Variants in SLC12A3 observed in about 807,000 individuals in gnomAD.
SLC12A3 encodes solute carrier family 12 member 3.
A neutral mutation model predicts 121.0 loss-of-function variants in SLC12A3; 104 were observed. That is an observed-to-expected ratio of 0.86 (90% CI 0.73 to 1.01). The LOEUF (loss-of-function observed/expected upper bound fraction) is 1.01. Ranked by LOEUF, SLC12A3 falls within the 50% of genes least tolerant of loss-of-function variation. The pLI, the probability that SLC12A3 is intolerant of heterozygous loss-of-function variation, is 0.00. For synonymous variants in SLC12A3, 536 were observed against 533.4 expected (o/e 1.00, Z -0.07); for missense variants, 1,328 against 1,356.3 (o/e 0.98, Z 0.33).
intron 1 of SLC12A3, 124 bp downstream of exon 1, chr16:56,865,641 G>T: frequency 1.9e-6 from 2 of 1,060,300 alleles, no homozygotes; most frequent in Non-Finnish European, 2.8e-6. Flanking sequence ...TTCTTCCTGG[G>T]TTGAGAGGCC....
intron 25 of SLC12A3, among the ~76,000 whole-genome samples, chr16:56,905,785 A>G (rs2055600765): frequency 6.6e-6 from 1 of 152,154 alleles, no homozygotes; most frequent in South Asian, 2.1e-4. Flanking sequence ...GGTGGAAAGG[A>G]GGAGGGGGTA....
At position 56,910,389 on chromosome 16, in the gene SLC12A3, G is replaced by A. The variant is rs139908654; in HGVS notation, c.2925-2875G>A. On this transcript the variant is annotated intron_variant, in intron 25 of 25. Transcript: ENST00000563236. ...CTTACTCTGTCACCCAGGCTAGAGA[G>A]CAGTAGTGAGATCTCAGCTCACTGC... 6.1e-3 allele frequency among the ~76,000 whole-genome samples: 927 copies of A among 152,248 alleles called. 6 individuals are homozygous for A. Among genetic ancestry groups the A allele is most frequent in the African/African-American group, 0.021 (861 of 41,522 alleles).
rs1414704302 is a variant in SLC12A3 at position 56,904,427 on chromosome 16, G to T, written c.2889G>T (p.Val963=). 6.2e-7 allele frequency: 1 copy of T among 1,614,074 alleles called. No homozygotes were observed. Among genetic ancestry groups the T allele is most frequent in the Non-Finnish European group, 8.5e-7 (1 of 1,179,912 alleles). The stretch of plus-strand genomic sequence containing the variant: ...GGCAGGTGAGGCTGAATGAGATTGT[G>T]CTGGATTACTCCCGAGACGCTGCTC... ...SLRQVRLNEI[V]LDYSRDAALI... is the part of the protein sequence containing the mutation. Residue 963 remains valine (V), a synonymous_variant, in exon 25 of 26, where the codon GTG becomes GTT. Transcript: ENST00000563236.
chr16:56,902,631 CT>C, intron 24 of SLC12A3, 123 bp downstream of exon 24: 1 of 1,202,858 alleles, frequency 8.3e-7, no homozygotes, highest in South Asian at 1.3e-5. Context: ...ACTCCGGCCC[CT>C]GAGGTATCCT....
At chr16:56,913,198 T>C (rs1361305923) in intron 25 of SLC12A3, 66 bp from the exon 26 acceptor site, 7 of 1,608,862 alleles carry the variant, frequency 4.4e-6, no homozygotes, top group African/African-American at 1.3e-5. Flanking sequence ...GAAAACAAAC[T>C]GGGAGCTGGG....
At chr16:56,878,966 C>T in intron 9 of SLC12A3, 107 bp from the exon 10 acceptor site, 1 of 1,315,502 alleles carries the variant, frequency 7.6e-7, no homozygotes, top group Non-Finnish European at 1.1e-6. Flanking sequence ...AATGAAGGGA[C>T]AGCTGCCCAT....
intron 8 of SLC12A3, among the ~76,000 whole-genome samples, chr16:56,876,629 C>T (rs1288406225): frequency 3.9e-5 from 6 of 152,226 alleles, no homozygotes; most frequent in African/African-American, 1.4e-4. Flanking sequence ...GACTCCAGCT[C>T]TACACCTCTG....
chr16:56,901,348 T>TC (rs1339710552), intron 23 of SLC12A3, among the ~76,000 whole-genome samples: 4 of 49,192 alleles, frequency 8.1e-5, no homozygotes, highest in East Asian at 8.9e-4. Flanking sequence ...TCTCTCTCTC[T>TC]TTTTTTTTTT....
Position 56,867,049 on chromosome 16 carries a change from T to G in SLC12A3, c.283-21T>G, listed in dbSNP as rs765802757. 4.3e-6 allele frequency: 7 copies of G among 1,609,594 alleles called. No individual in the cohort carries two copies. In the East Asian group the frequency reaches 1.6e-4, roughly 36 times the overall value. On this transcript the variant is annotated intron_variant, in intron 1 of 25. Coordinates refer to ENST00000563236, the MANE Select transcript of SLC12A3 (RefSeq NM_001126108.2). ...TCCCTAGCACCCCTACCTGCCTGAC[T>G]TGTGGTCTCTGGGCTGCCAGCAGGA...
intron 3 of SLC12A3, among the ~76,000 whole-genome samples, chr16:56,869,438 C>T (rs531917396): frequency 6.6e-6 from 1 of 152,296 alleles, no homozygotes; most frequent in Non-Finnish European, 1.5e-5. Context: ...AGCGATTCTC[C>T]TGCCTCAGCC....
chr16:56,903,297 T>C (rs1367987118), intron 24 of SLC12A3, among the ~76,000 whole-genome samples: 2 of 152,156 alleles, frequency 1.3e-5, no homozygotes. Context: ...AGAAAGGGTG[T>C]GTGCCTGTAG....
chr16:56,889,351 A>G (rs1422079613), intron 18 of SLC12A3, among the ~76,000 whole-genome samples: 1 of 152,230 alleles, frequency 6.6e-6, no homozygotes, highest in Non-Finnish European at 1.5e-5. Flanking sequence ...TGATCTAAGG[A>G]GCCCAGGGAG....
Position 56,884,094 on chromosome 16 carries a change from T to C in SLC12A3, c.1715T>C (p.Phe572Ser). The change falls in exon 14 of 26, where the codon TTT becomes TCT. Residue 572 changes from phenylalanine to serine, a missense_variant. Coordinates refer to ENST00000563236, the MANE Select transcript of SLC12A3 (RefSeq NM_001126108.2). ...FQYYNKWAAL[F>S]GAIISVVIMF... Reference sequence around the variant, plus strand: ...TACTACAACAAGTGGGCGGCGCTGTTTGGGGCTATCATCTCCGTGGTCATC... The same window carrying C: ...TACTACAACAAGTGGGCGGCGCTGTCTGGGGCTATCATCTCCGTGGTCATC... The C allele has an allele frequency of 6.2e-7, 1 of 1,614,210 alleles. No individual in the cohort carries two copies. Among genetic ancestry groups the C allele is most frequent in the Non-Finnish European group, 8.5e-7 (1 of 1,180,020 alleles).
At chr16:56,889,020 C>T (rs1305102050) in intron 18 of SLC12A3, among the ~76,000 whole-genome samples, 3 of 152,056 alleles carry the variant, frequency 2.0e-5, no homozygotes, top group African/African-American at 7.2e-5. Flanking sequence ...GACGGAACTC[C>T]CTGGGGACTT....
chr16:56,873,308 C>T (rs575528436), intron 8 of SLC12A3, among the ~76,000 whole-genome samples: 15 of 152,058 alleles, frequency 9.9e-5, no homozygotes, highest in African/African-American at 3.6e-4. Flanking sequence ...CTGTGCTGCG[C>T]TCTCTACCTG....
chr16:56,894,297 G>T (rs182541208), intron 21 of SLC12A3, among the ~76,000 whole-genome samples: 3 of 152,222 alleles, frequency 2.0e-5, no homozygotes, highest in Admixed American at 2.0e-4. Context: ...GAGCCATGGC[G>T]CCCGGCCGCC....
At chr16:56,892,029 A>C (rs2144741388) in intron 19 of SLC12A3, 54 bp from the exon 20 acceptor site, 1 of 1,368,202 alleles carries the variant, frequency 7.3e-7, no homozygotes, top group Non-Finnish European at 1.0e-6. Flanking sequence ...GGAGGAACCC[A>C]CGGTGCCCTC....
At chr16:56,908,832 G>T (rs191778520) in intron 25 of SLC12A3, among the ~76,000 whole-genome samples, 11 of 152,368 alleles carry the variant, frequency 7.2e-5, no homozygotes, top group Non-Finnish European at 1.5e-4. Flanking sequence ...GGGTCCGAGC[G>T]CAAGACAGTG....
At chr16:56,872,595 T>C in intron 7 of SLC12A3, 61 bp from the exon 8 acceptor site, 1 of 1,613,228 alleles carries the variant, frequency 6.2e-7, no homozygotes, top group South Asian at 1.1e-5. Context: ...GCCCAGTGGG[T>C]CCCAGCAAGG....
Sources: gnomAD v4.1 joint callset for allele counts (sites outside exome capture counted in the v4.1 genomes callset) on GRCh38, gnomAD v4.1.1 for gene constraint, MANE v1.5 for transcripts, NCBI Gene and HGNC (gene_info 2026-07-23, HGNC 2026-07-21) for gene names.